Variants in NFE2L2 observed in about 807,000 individuals in gnomAD.
The protein encoded by NFE2L2 is NFE2 like bZIP transcription factor 2.
In NFE2L2, 20 loss-of-function variants were observed where a neutral mutation model predicts 49.6. The ratio of observed to expected loss-of-function variants is 0.40; its 90% CI spans 0.28 to 0.59. The LOEUF (loss-of-function observed/expected upper bound fraction) is 0.59. Ranked by LOEUF, NFE2L2 falls within the 20% of genes least tolerant of loss-of-function variation. NFE2L2 has a pLI of 0.40. For missense variants in NFE2L2, 578 were observed against 714.2 expected (o/e 0.81, Z 2.17); for synonymous variants, 244 against 256.5 (o/e 0.95, Z 0.47).
In NFE2L2 at chr2:177,247,530, G is replaced by C. The variant is rs371405986; in HGVS notation, c.46-13259C>G. ...CAAAAAATTAGCCGGGCGTGGTAGC[G>C]GGAGCCTATAATCTCAGCTACTCCA... On this transcript the variant is annotated intron_variant, in intron 1 of 4. Transcript: ENST00000397062. Among the ~76,000 whole-genome samples, 151 of 151,814 alleles carry C rather than the reference G, an allele frequency of 9.9e-4. 2 individuals are homozygous for C. Among genetic ancestry groups the C allele is most frequent in the African/African-American group, 3.4e-3 (141 of 41,392 alleles).
intron 1 of NFE2L2, among the ~76,000 whole-genome samples, chr2:177,246,844 G>A (rs1180497156): frequency 4.5e-5 from 6 of 133,150 alleles, no homozygotes; most frequent in South Asian, 2.3e-4. Flanking sequence ...GCAATCCTCC[G>A]GCTTCAGCCT....
intron 1 of NFE2L2, among the ~76,000 whole-genome samples, chr2:177,251,422 C>T (rs1690333315): frequency 6.6e-6 from 1 of 152,130 alleles, no homozygotes; most frequent in East Asian, 1.9e-4. Flanking sequence ...GAAATGCTGC[C>T]ACAAGTGAAG....
At position 177,230,763 on chromosome 2, in the gene NFE2L2, A is replaced by G. The variant is rs1447664827; in HGVS notation, c.*22T>C. The G allele has an allele frequency of 1.9e-6, 3 of 1,552,696 alleles. No homozygotes were observed. Among genetic ancestry groups the G allele is most frequent in the Middle Eastern group, 1.7e-4 (1 of 5,768 alleles). On this transcript the variant is annotated 3_prime_UTR_variant, in exon 5 of 5. Transcript: ENST00000397062. ...TAATAGTACAAAAAAACTAGCTCAG[A>G]AAAGGTCAAATCCTCCTAAATCTAG... is the stretch of plus-strand genomic sequence containing the variant.
At chr2:177,261,372 A>C (rs953478042) in intron 1 of NFE2L2, among the ~76,000 whole-genome samples, 15 of 152,158 alleles carry the variant, frequency 9.9e-5, no homozygotes, top group African/African-American at 2.9e-4. Flanking sequence ...TGCAGACATT[A>C]ATCTTTTATA....
chr2:177,247,185 A>C (rs1574272728), intron 1 of NFE2L2, among the ~76,000 whole-genome samples: 1 of 152,272 alleles, frequency 6.6e-6, no homozygotes, highest in South Asian at 2.1e-4. Context: ...CAGCAGTGTG[A>C]GCGTGCATTT....
chr2:177,230,450 A>G lies in NFE2L2; in HGVS notation c.*335T>C, dbSNP rs1320686962. ...AGTACATAGTGGTTAGTTTTGCAAT[A>G]ATTTCTTTTTAGCCAGATGTCATAT... On this transcript the variant is annotated 3_prime_UTR_variant, in exon 5 of 5. Transcript: ENST00000397062. 1 of 250,266 alleles carries G rather than the reference A, an allele frequency of 4.0e-6. No individual in the cohort carries two copies. Among genetic ancestry groups the G allele is most frequent in the East Asian group, 5.9e-5 (1 of 16,940 alleles). 15.5% of individuals were successfully genotyped at this position (250,266 alleles called of 1,614,324 possible). A position where few individuals can be genotyped will look rare whatever the true frequency, so the allele number is the denominator to read the frequency against.
chr2:177,255,296 C>T (rs559221506), intron 1 of NFE2L2, among the ~76,000 whole-genome samples: 316 of 152,316 alleles, frequency 2.1e-3, no homozygotes, highest in Admixed American at 3.3e-3. Context: ...CCTGATCCTC[C>T]CACCAAGGGT....
intron 1 of NFE2L2, among the ~76,000 whole-genome samples, chr2:177,241,477 A>G (rs1206760171): frequency 6.6e-6 from 1 of 152,230 alleles, no homozygotes; most frequent in Admixed American, 6.5e-5. Flanking sequence ...CATGAATCAT[A>G]TCCTACCATC....
chr2:177,251,384 G>C (rs994408082), intron 1 of NFE2L2, among the ~76,000 whole-genome samples: 7 of 152,126 alleles, frequency 4.6e-5, no homozygotes, highest in Admixed American at 2.6e-4. Flanking sequence ...ATGGACACTG[G>C]GTTTCTAGGC....
rs1336029231 is a variant in NFE2L2, at chr2:177,264,651, G to C, written c.-75C>G. On this transcript the variant is annotated 5_prime_UTR_variant, in exon 1 of 5. Transcript: ENST00000397062. ...GGCTGCCGAGGCGCGGCGCGGACAGGGCGGCTCTGGTGGCGGCGGCGGCGG... is the reference window on the plus strand; with the variant it reads ...GGCTGCCGAGGCGCGGCGCGGACAGCGCGGCTCTGGTGGCGGCGGCGGCGG... The C allele has an allele frequency of 1.5e-6, 2 of 1,319,110 alleles. No individual in the cohort carries two copies. The highest frequency in any genetic ancestry group is 2.1e-5 in the South Asian group (1 of 48,314). The allele number at this position is 1,319,110 out of a possible 1,614,324, so 81.7% of individuals were successfully genotyped here.
At chr2:177,233,859 C>T in intron 2 of NFE2L2, 146 bp downstream of exon 2, 2 of 1,036,722 alleles carry the variant, frequency 1.9e-6, no homozygotes, top group South Asian at 1.7e-5. Context: ...GTACTGAACT[C>T]ATCAGGAGGC....
intron 2 of NFE2L2, 107 bp from the exon 3 acceptor site, chr2:177,233,446 G>A (rs745728127): frequency 2.0e-5 from 17 of 861,120 alleles, no homozygotes; most frequent in Non-Finnish European, 3.1e-5. Flanking sequence ...ATCAAGTTAA[G>A]TAAATATTTA....
chr2:177,246,966 A>G (rs549984861), intron 1 of NFE2L2, among the ~76,000 whole-genome samples: 3 of 152,214 alleles, frequency 2.0e-5, no homozygotes, highest in African/African-American at 7.2e-5. Flanking sequence ...GTATTACTTA[A>G]TAACATAATT....
intron 1 of NFE2L2, 156 bp downstream of exon 1, chr2:177,264,376 C>G: frequency 2.9e-6 from 2 of 694,872 alleles, no homozygotes; most frequent in Non-Finnish European, 4.3e-6. Flanking sequence ...CCGCCCTGCC[C>G]CGGCGCAAGC....
intron 1 of NFE2L2, chr2:177,263,536 T>C: frequency 1.0e-6 from 1 of 985,516 alleles, no homozygotes; most frequent in East Asian, 1.1e-4. Context: ...AACCTGTCCC[T>C]TGGCCCTGGC....
intron 2 of NFE2L2, 193 bp downstream of exon 2, chr2:177,233,812 G>A (rs1689646777): frequency 1.5e-6 from 1 of 676,712 alleles, no homozygotes; most frequent in South Asian, 2.0e-5. Flanking sequence ...CAATAACACT[G>A]TTAAGATCAA....
At chr2:177,263,634 C>T (rs17522805) in intron 1 of NFE2L2, 1 of 985,384 alleles carries the variant, frequency 1.0e-6, no homozygotes, top group African/African-American at 1.7e-5. Context: ...GAAGCCAAGG[C>T]CACGCGCGCG....
At position 177,230,433 on chromosome 2, in the gene NFE2L2, G is replaced by A; in HGVS notation, c.*352C>T. The A allele has an allele frequency of 1.2e-5, 3 of 243,552 alleles. No individual in the cohort carries two copies. Among genetic ancestry groups the A allele is most frequent in the Non-Finnish European group, 2.4e-5 (3 of 125,794 alleles). The allele number at this position is 243,552 out of a possible 1,614,324, so 15.1% of individuals were successfully genotyped here. A position where few individuals can be genotyped will look rare whatever the true frequency, so the allele number is the denominator to read the frequency against. ...TACAGTATTTATAAAAAAGTACATA[G>A]TGGTTAGTTTTGCAATAATTTCTTT... On this transcript the variant is annotated 3_prime_UTR_variant, in exon 5 of 5. Coordinates refer to ENST00000397062, the MANE Select transcript of NFE2L2 (RefSeq NM_006164.5).
At chr2:177,244,543 T>G (rs1690057093) in intron 1 of NFE2L2, among the ~76,000 whole-genome samples, 1 of 152,140 alleles carries the variant, frequency 6.6e-6, no homozygotes, top group Non-Finnish European at 1.5e-5. Flanking sequence ...CCACTAAATC[T>G]GCACAGAAAG....
Sources: allele counts gnomAD v4.1 joint callset (sites outside exome capture counted in the v4.1 genomes callset), GRCh38; gene constraint gnomAD v4.1.1; transcripts MANE v1.5; gene names NCBI Gene and HGNC (gene_info 2026-07-23, HGNC 2026-07-21).